The following LRRC28 variants were observed in gnomAD, a reference collection of about 807,000 sequenced individuals.
LRRC28 encodes leucine rich repeat containing 28.
Under a neutral mutation model 45.7 loss-of-function variants are expected in LRRC28, and 39 were observed. That is an observed-to-expected ratio of 0.85 (90% CI 0.66 to 1.12). The LOEUF is 1.12. Ranked by LOEUF, LRRC28 falls within the 50% of genes most tolerant of loss-of-function variation. The probability of loss-of-function intolerance (pLI) is 0.00; values close to 1 mark genes in which losing one functional copy is unlikely to be tolerated. For synonymous variants in LRRC28, 206 were observed against 178.8 expected, an observed-to-expected ratio of 1.15 and a Z score of -1.22; for missense variants, 435 against 438.5, an observed-to-expected ratio of 0.99 and a Z score of 0.07.
chr15:99,316,041 G>T (rs956228894), intron 5 of LRRC28, among the ~76,000 whole-genome samples: 2 of 152,150 alleles, frequency 1.3e-5, no homozygotes, highest in Non-Finnish European at 1.5e-5. Flanking sequence ...AACAACTTTT[G>T]TGTGCTATTA....
intron 9 of LRRC28, among the ~76,000 whole-genome samples, chr15:99,385,546 C>G (rs1279405160): frequency 6.6e-6 from 1 of 152,246 alleles, no homozygotes; most frequent in African/African-American, 2.4e-5. Context: ...GAAATGACCT[C>G]TACGAGCAAC....
chr15:99,290,074 A>C (rs2082076790), intron 5 of LRRC28, among the ~76,000 whole-genome samples: 1 of 151,884 alleles, frequency 6.6e-6, no homozygotes, highest in South Asian at 2.1e-4. Context: ...CCTGGCTAAC[A>C]TGGTGAAACC....
intron 2 of LRRC28, among the ~76,000 whole-genome samples, chr15:99,265,604 C>T (rs980162348): frequency 2.0e-5 from 3 of 152,172 alleles, no homozygotes; most frequent in Non-Finnish European, 2.9e-5. Flanking sequence ...AGGAATATAG[C>T]GTGGAAGCAA....
chr15:99,268,142 T>C (rs943686815), intron 2 of LRRC28, among the ~76,000 whole-genome samples: 2 of 152,198 alleles, frequency 1.3e-5, no homozygotes, highest in East Asian at 1.9e-4. Context: ...AGCACCACCA[T>C]GTCGTTAAAA....
intron 9 of LRRC28, among the ~76,000 whole-genome samples, chr15:99,383,798 G>T (rs921315330): frequency 6.6e-6 from 1 of 152,076 alleles, no homozygotes; most frequent in African/African-American, 2.4e-5. Flanking sequence ...CGCCACCCTG[G>T]GTCCTCTCTG....
intron 9 of LRRC28, among the ~76,000 whole-genome samples, chr15:99,385,725 C>T (rs944761024): frequency 1.3e-5 from 2 of 149,406 alleles, no homozygotes; most frequent in African/African-American, 4.9e-5. Flanking sequence ...GAGTTCGAAA[C>T]GTAATGTGGA....
intron 7 of LRRC28, 99 bp from the exon 8 acceptor site, chr15:99,361,237 C>T (rs1957190940): frequency 7.2e-7 from 1 of 1,380,568 alleles, no homozygotes; most frequent in East Asian, 2.4e-5. Flanking sequence ...TCAGCAGTGT[C>T]ATAAATTTTC....
At chr15:99,382,112 A>G (rs563616844) in intron 9 of LRRC28, among the ~76,000 whole-genome samples, 22 of 152,336 alleles carry the variant, frequency 1.4e-4, no homozygotes, top group Middle Eastern at 3.4e-3. Context: ...TTGTTTGGCT[A>G]TGCCCTGCCC....
intron 5 of LRRC28, among the ~76,000 whole-genome samples, chr15:99,299,046 A>C (rs2082333079): frequency 6.6e-6 from 1 of 152,184 alleles, no homozygotes; most frequent in Non-Finnish European, 1.5e-5. Flanking sequence ...GCAATATTTT[A>C]GATGTGGCAT....
rs1010520356 is a variant in LRRC28 at position 99,263,694 on chromosome 15, T to G, written c.168+7569T>G. On this transcript the variant is annotated intron_variant, in intron 2 of 9. Coordinates refer to ENST00000301981, the MANE Select transcript of LRRC28 (RefSeq NM_144598.5). ...CGTAATTTCATTCTATGTAGCAGCA[T>G]TGTAGAATGTTTTAAAAATAAGATC... 2.6e-5 allele frequency among the ~76,000 whole-genome samples: 4 copies of G among 152,316 alleles called. No homozygotes were observed. The East Asian group carries it at 7.7e-4, about 29-fold the overall frequency.
At chr15:99,385,930 TA>T in intron 9 of LRRC28, 99 bp from the exon 10 acceptor site, 1 of 1,019,958 alleles carries the variant, frequency 9.8e-7, no homozygotes, top group Non-Finnish European at 1.6e-6. Flanking sequence ...TGACCATGGC[TA>T]ATCCTCCATT....
chr15:99,341,388 G>A (rs1416256090), intron 6 of LRRC28, among the ~76,000 whole-genome samples: 2 of 152,024 alleles, frequency 1.3e-5, no homozygotes, highest in Non-Finnish European at 2.9e-5. Context: ...CACCGCGCCC[G>A]GCCTGTTCTG....
At chr15:99,321,186 A>C (rs578224168) in intron 5 of LRRC28, among the ~76,000 whole-genome samples, 1 of 152,324 alleles carries the variant, frequency 6.6e-6, no homozygotes, top group South Asian at 2.1e-4. Context: ...TCAAGATCTT[A>C]AGGGAATTTC....
chr15:99,276,054 C>G (rs959081900), intron 2 of LRRC28, among the ~76,000 whole-genome samples: 1 of 151,984 alleles, frequency 6.6e-6, no homozygotes, highest in African/African-American at 2.4e-5. Flanking sequence ...GTGAACTGCA[C>G]ATGTGAGTGA....
rs1958151288 is a variant in LRRC28, at chr15:99,390,428, TCCACTC to T, written c.*4327_*4332del. 2.7e-5 allele frequency: 2 copies of T among 74,768 alleles called. No individual in the cohort carries two copies. The highest frequency in any genetic ancestry group is 3.1e-4 in the South Asian group (1 of 3,210). The allele number at this position is 74,768 out of a possible 1,614,324, so 4.6% of individuals were successfully genotyped here. A position where few individuals can be genotyped will look rare whatever the true frequency, so the allele number is the denominator to read the frequency against. On this transcript the variant is annotated 3_prime_UTR_variant, in exon 10 of 10. Coordinates refer to ENST00000301981, the MANE Select transcript of LRRC28 (RefSeq NM_144598.5). The stretch of plus-strand genomic sequence containing the variant: ...CTTTCAAGGGTTAGCCAGACTTTTT[TCCACTC>T]AAGTGTGGATTATCTTTGCTACCTG...
intron 3 of LRRC28, among the ~76,000 whole-genome samples, chr15:99,286,216 C>T (rs577928066): frequency 3.2e-4 from 49 of 152,274 alleles, no homozygotes; most frequent in East Asian, 5.8e-4. Context: ...CTGCAACCTC[C>T]GCCTCCCAGG....
intron 9 of LRRC28, among the ~76,000 whole-genome samples, chr15:99,366,352 C>A (rs905338667): frequency 6.6e-6 from 1 of 152,096 alleles, no homozygotes; most frequent in African/African-American, 2.4e-5. Flanking sequence ...ATAAGGACAC[C>A]ATTCATATTG....
rs1358482549 is a variant in LRRC28, at chr15:99,259,837, A to C, written c.168+3712A>C. The C allele has an allele frequency of 3.6e-6, 3 of 839,036 alleles. No homozygotes were observed. The African/African-American group carries it at 5.0e-5, about 14-fold the overall frequency. 52.0% of individuals were successfully genotyped at this position (839,036 alleles called of 1,614,324 possible). A position where few individuals can be genotyped will look rare whatever the true frequency, so the allele number is the denominator to read the frequency against. ...AGACACTAAAGCATATGGAGATAGAATAGAAAGAATGCCTTGCCTCAGTTT... is the reference window on the plus strand; with the variant it reads ...AGACACTAAAGCATATGGAGATAGACTAGAAAGAATGCCTTGCCTCAGTTT... On this transcript the variant is annotated intron_variant, in intron 2 of 9. Coordinates refer to ENST00000301981, the MANE Select transcript of LRRC28 (RefSeq NM_144598.5).
intron 6 of LRRC28, among the ~76,000 whole-genome samples, chr15:99,338,741 A>T (rs889734679): frequency 1.3e-5 from 2 of 152,204 alleles, no homozygotes; most frequent in Non-Finnish European, 2.9e-5. Context: ...TCAAAAGGTA[A>T]CTAGAGACAC....
Sources: allele counts gnomAD v4.1 joint callset (sites outside exome capture counted in the v4.1 genomes callset), GRCh38; gene constraint gnomAD v4.1.1; transcripts MANE v1.5; gene names NCBI Gene and HGNC (gene_info 2026-07-23, HGNC 2026-07-21).